SYTL2: variants seen among roughly 807,000 people sequenced by gnomAD.
SYTL2 encodes the protein synaptotagmin-like protein 2.
A neutral mutation model predicts 198.7 loss-of-function variants in SYTL2; 165 were observed. That is an observed-to-expected ratio of 0.83 (90% CI 0.73 to 0.94). The LOEUF is 0.94. SYTL2 is among the 40% of genes least tolerant of loss of function. The pLI is 0.00. For missense variants in SYTL2, 2,835 were observed against 2,582.8 expected, an observed-to-expected ratio of 1.10 and a Z score of -2.12; for synonymous variants, 966 against 917.7, an observed-to-expected ratio of 1.05 and a Z score of -0.95.
Position 85,726,764 on chromosome 11 carries a change from G to A in SYTL2, c.2594C>T (p.Ala865Val), listed in dbSNP as rs1565930426. Residue 865 changes from alanine to valine, a missense_variant, in exon 8 of 20, where the codon GCA becomes GTA. Transcript: ENST00000359152. The stretch of plus-strand genomic sequence containing the variant: ...GGAATAAGAATTGGAGAGCTGGGAT[G>A]CTTGATCATCCTCATCTAAGACCAC... Reference protein sequence around the residue: ...KRVVLDEDDQASQLSNSYSSN... With the variant: ...KRVVLDEDDQVSQLSNSYSSN... 1 of 1,536,184 alleles carries A rather than the reference G, an allele frequency of 6.5e-7. No individual in the cohort carries two copies. Among genetic ancestry groups the A allele is most frequent in the Non-Finnish European group, 8.7e-7 (1 of 1,146,912 alleles).
chr11:85,717,401 A>G, intron 11 of SYTL2, 82 bp downstream of exon 11: 1 of 1,185,564 alleles, frequency 8.4e-7, no homozygotes, highest in South Asian at 1.2e-5. Flanking sequence ...ATACTGTGTT[A>G]TTAATGGGGT....
intron 4 of SYTL2, among the ~76,000 whole-genome samples, chr11:85,744,275 G>C (rs2091002376): frequency 6.6e-6 from 1 of 152,114 alleles, no homozygotes; most frequent in African/African-American, 2.4e-5. Context: ...CAGTAATTCT[G>C]CTAGCAAACT....
intron 1 of SYTL2, among the ~76,000 whole-genome samples, chr11:85,781,196 G>A (rs906974907): frequency 5.3e-5 from 8 of 152,134 alleles, no homozygotes; most frequent in Non-Finnish European, 1.2e-4. Context: ...GACAGAAGGG[G>A]AAGCAAACAC....
rs770964099 is a variant in SYTL2 at position 85,757,720 on chromosome 11, A to G, written c.6T>C (p.Ile2=). 4 of 1,612,242 alleles carry G rather than the reference A, an allele frequency of 2.5e-6. No individual in the cohort carries two copies. The highest frequency in any genetic ancestry group is 2.7e-5 in the African/African-American group (2 of 74,912). The change falls in exon 2 of 20, where the codon ATT becomes ATC. Residue 2 remains isoleucine (I), a synonymous_variant. Coordinates refer to ENST00000359152, the MANE Select transcript of SYTL2 (RefSeq NM_206927.4). ...CCTCTTCAGTCAGGAAGCTTAAGTCAATCATTTTGAAAAGTGCATGCAAAA... is the reference window on the plus strand; with the variant it reads ...CCTCTTCAGTCAGGAAGCTTAAGTCGATCATTTTGAAAAGTGCATGCAAAA... M[I]DLSFLTEEEQ...
chr11:85,808,707 T>G (rs1284363660), intron 1 of SYTL2, among the ~76,000 whole-genome samples: 1 of 152,134 alleles, frequency 6.6e-6, no homozygotes, highest in East Asian at 1.9e-4. Flanking sequence ...AGTCCATATA[T>G]TATGAAATCA....
intron 1 of SYTL2, among the ~76,000 whole-genome samples, chr11:85,796,252 A>G (rs2092802567): frequency 6.6e-6 from 1 of 152,186 alleles, no homozygotes; most frequent in African/African-American, 2.4e-5. Context: ...ATATGGCATC[A>G]AATTTCTACC....
At chr11:85,833,042 A>G in the SYTL2 span, among the ~76,000 whole-genome samples, 110 of 26,060 alleles carry the variant, frequency 4.2e-3, 6 homozygotes, top group Admixed American at 7.1e-3. Context: ...AAAGAAAGAA[A>G]GAAAGAAAGA....
rs1300175466 is a variant in SYTL2 at position 85,726,472 on chromosome 11, C to G, written c.2886G>C (p.Met962Ile). The change falls in exon 8 of 20, where the codon ATG becomes ATC. Residue 962 changes from methionine (M) to isoleucine (I), a missense_variant. Transcript: ENST00000359152. ...GTTCATCCATTCTTTCTTTTAGGGACATAACTTTAAAGTTGGCATTTGATT... is the reference window on the plus strand; with the variant it reads ...GTTCATCCATTCTTTCTTTTAGGGAGATAACTTTAAAGTTGGCATTTGATT... ...VRESNANFKV[M>I]SLKERMDEPN... 1.2e-6 allele frequency: 2 copies of G among 1,612,012 alleles called. No homozygotes were observed. The highest frequency in any genetic ancestry group is 2.2e-5 in the South Asian group (2 of 91,042).
In SYTL2 at chr11:85,726,149, G is replaced by A; in HGVS notation, c.3209C>T (p.Pro1070Leu). The stretch of plus-strand genomic sequence containing the variant: ...AGTATACTTTCTAAGTGGACTCAAA[G>A]GAAATGTGATTTCATCTGGTAGCAC... The part of the protein sequence containing the change: ...LQVLPDEITF[P>L]LSPLRKYTYQ... Residue 1070 changes from proline (P) to leucine (L), a missense_variant, in exon 8 of 20, where the codon CCT becomes CTT. Physicochemically the swap from Pro to Leu is moderately conservative, Grantham distance 98. This residue lies in a region of SYTL2 where 2,645 missense variants were observed against 2,381.7 expected (regional missense o/e 1.11). Transcript: ENST00000359152. 1 of 1,614,028 alleles carries A rather than the reference G, an allele frequency of 6.2e-7. No individual in the cohort carries two copies. Among genetic ancestry groups the A allele is most frequent in the Non-Finnish European group, 8.5e-7 (1 of 1,179,984 alleles).
At chr11:85,761,698 G>T (rs968034194) in intron 1 of SYTL2, among the ~76,000 whole-genome samples, 7 of 152,166 alleles carry the variant, frequency 4.6e-5, no homozygotes, top group Non-Finnish European at 5.9e-5. Context: ...TCACTCCATT[G>T]CCCAGGCTGT....
At chr11:85,752,917 TAAAAAAAAAAAAAAAAAAAAAA>T (rs1162431708) in intron 2 of SYTL2, among the ~76,000 whole-genome samples, 1 of 17,720 alleles carries the variant, frequency 5.6e-5, no homozygotes, top group South Asian at 5.6e-3. Context: ...CTGCCTTCAT[TAAAAAAAAAAAAAAAAAAAAAA>T]AAAAAAAAAA....
intron 7 of SYTL2, among the ~76,000 whole-genome samples, chr11:85,732,899 A>C (rs1227647836): frequency 6.6e-6 from 1 of 152,182 alleles, no homozygotes; most frequent in African/African-American, 2.4e-5. Context: ...TTTTTAAAAA[A>C]CATAAGAAAT....
rs1321281010 is a variant in SYTL2, at chr11:85,694,714, A to T, written c.*481T>A. 4.7e-5 allele frequency: 7 copies of T among 149,512 alleles called. No homozygotes were observed. Among genetic ancestry groups the T allele is most frequent in the Non-Finnish European group, 3.0e-5 (2 of 67,250 alleles). The allele number at this position is 149,512 out of a possible 1,614,324, so 9.3% of individuals were successfully genotyped here. A position where few individuals can be genotyped will look rare whatever the true frequency, so the allele number is the denominator to read the frequency against. ...CAGAGTAAATAGTTTCTTAAGGTCC[A>T]TTTTTTTTTTTATCATCACTGATGT... On this transcript the variant is annotated 3_prime_UTR_variant, in exon 20 of 20. Transcript: ENST00000359152.
intron 1 of SYTL2, among the ~76,000 whole-genome samples, chr11:85,797,633 A>T (rs1450152542): frequency 5.9e-5 from 9 of 151,910 alleles, no homozygotes; most frequent in Admixed American, 5.9e-4. Context: ...TCTCAAAAAA[A>T]AAAAAAAGAA....
At position 85,757,875 on chromosome 11, in the gene SYTL2, A is replaced by C; in HGVS notation, c.-150T>G. 1 of 1,107,754 alleles carries C rather than the reference A, an allele frequency of 9.0e-7. No individual in the cohort carries two copies. The highest frequency in any genetic ancestry group is 1.3e-6 in the Non-Finnish European group (1 of 783,162). 68.6% of individuals were successfully genotyped at this position (1,107,754 alleles called of 1,614,324 possible). On this transcript the variant is annotated 5_prime_UTR_variant, in exon 2 of 20. Transcript: ENST00000359152. ...TCAAAGTCTTATTTTGGCTCAGCAAAAGTTTAGGGCAGCTGATAGCAAGAT... is the reference window on the plus strand; with the variant it reads ...TCAAAGTCTTATTTTGGCTCAGCAACAGTTTAGGGCAGCTGATAGCAAGAT...
At chr11:85,802,162 C>T (rs1555263132) in intron 1 of SYTL2, among the ~76,000 whole-genome samples, 1 of 151,482 alleles carries the variant, frequency 6.6e-6, no homozygotes, top group Non-Finnish European at 1.5e-5. Flanking sequence ...TGGCTTTGAA[C>T]TTGAAACATC....
the SYTL2 span, among the ~76,000 whole-genome samples, chr11:85,829,613 T>A: frequency 1.9e-4 from 29 of 152,340 alleles, no homozygotes; most frequent in African/African-American, 6.7e-4. Flanking sequence ...TTTAAGTTCT[T>A]TGAGAAACCT....
intron 1 of SYTL2, among the ~76,000 whole-genome samples, chr11:85,789,393 T>C (rs1336455316): frequency 8.9e-6 from 1 of 111,996 alleles, no homozygotes; most frequent in Non-Finnish European, 1.9e-5. Context: ...TATATATATA[T>C]ATATATAATT....
chr11:85,707,978 A>AAAAC (rs1591611680), intron 14 of SYTL2: 10 of 142,352 alleles, frequency 7.0e-5, no homozygotes, highest in South Asian at 4.0e-4. Flanking sequence ...AAAAAAAACC[A>AAAAC]CACACACACA....
Sources: gnomAD v4.1 joint callset for allele counts (sites outside exome capture counted in the v4.1 genomes callset) on GRCh38, gnomAD v4.1.1 for gene constraint, gnomAD v4.1.1 regional missense constraint, MANE v1.5 for transcripts, NCBI Gene and HGNC (gene_info 2026-07-23, HGNC 2026-07-21) for gene names.